The following NTRK2 variants were observed in gnomAD, a reference collection of about 807,000 sequenced individuals.
NTRK2 encodes the protein BDNF/NT-3 growth factors receptor.
A neutral mutation model predicts 94.5 loss-of-function variants in NTRK2; 13 were observed. That is an observed-to-expected ratio of 0.14 (90% CI 0.09 to 0.22). The LOEUF (loss-of-function observed/expected upper bound fraction) is 0.22, where lower values mean the gene tolerates loss of function less well. NTRK2 is among the 10% of genes least tolerant of loss of function. The pLI is 1.00. For synonymous variants in NTRK2, 372 were observed against 407.4 expected, an observed-to-expected ratio of 0.91 and a Z score of 1.05; for missense variants, 639 against 1,071.2, an observed-to-expected ratio of 0.60 and a Z score of 5.63.
intron 12 of NTRK2, among the ~76,000 whole-genome samples, chr9:84,773,954 T>C (rs1168364429): frequency 6.6e-6 from 1 of 152,102 alleles, no homozygotes. Flanking sequence ...CTCAGGGAGA[T>C]TTTGCTGATC....
intron 12 of NTRK2, among the ~76,000 whole-genome samples, chr9:84,798,885 C>T (rs1414684742): frequency 7.0e-6 from 1 of 142,116 alleles, no homozygotes; most frequent in Admixed American, 7.3e-5. Context: ...TACTGAACAC[C>T]TGCTATATGC....
rs200278817 is a variant in NTRK2, at chr9:84,722,241, G to A, written c.584-1332G>A. ...TATTGGATGCTTACGGGAAGGAAGA[G>A]TTTGGAAGGGGGGGTCTCACTAGCC... On this transcript the variant is annotated intron_variant, in intron 6 of 18. Transcript: ENST00000277120. Among the ~76,000 whole-genome samples, 4 of 146,234 alleles carry A rather than the reference G, an allele frequency of 2.7e-5. No individual in the cohort carries two copies. In the East Asian group the frequency reaches 8.0e-4, roughly 29 times the overall value.
intron 12 of NTRK2, among the ~76,000 whole-genome samples, chr9:84,855,078 G>C (rs979789084): frequency 3.3e-5 from 5 of 151,996 alleles, no homozygotes; most frequent in African/African-American, 1.2e-4. Context: ...CAGGGAGGGG[G>C]AAGACCGAGT....
chr9:84,754,838 A>G (rs1240495112), intron 12 of NTRK2, among the ~76,000 whole-genome samples: 2 of 152,178 alleles, frequency 1.3e-5, no homozygotes, highest in East Asian at 3.8e-4. Flanking sequence ...CAGCTCACCC[A>G]TAGGCACTCA....
At chr9:84,901,166 C>A (rs920586965) in intron 14 of NTRK2, among the ~76,000 whole-genome samples, 6 of 144,780 alleles carry the variant, frequency 4.1e-5, no homozygotes, top group Non-Finnish European at 7.6e-5. Flanking sequence ...AGCTCTGTTA[C>A]AACTTTCATT....
chr9:85,012,946 C>T (rs1564550295), intron 17 of NTRK2, among the ~76,000 whole-genome samples: 1 of 152,152 alleles, frequency 6.6e-6, no homozygotes, highest in Non-Finnish European at 1.5e-5. Context: ...TCCAAAAATA[C>T]TTGGCCTTGA....
At position 84,699,686 on chromosome 9, in the gene NTRK2, G is replaced by A. The variant is rs145352146; in HGVS notation, c.213-2473G>A. On this transcript the variant is annotated intron_variant, in intron 2 of 18. Coordinates refer to ENST00000277120, the MANE Select transcript of NTRK2 (RefSeq NM_006180.6). ...GTGTTTTTTTTTTTTTCTAACGAGT[G>A]TATGCATTTCTAAATTGAATTCCGG... is the stretch of plus-strand genomic sequence containing the variant. Among the ~76,000 whole-genome samples, 501 of 150,026 alleles carry A rather than the reference G, an allele frequency of 3.3e-3. 1 individual carries two copies. The highest frequency in any genetic ancestry group is 5.4e-3 in the Non-Finnish European group (367 of 67,484).
chr9:84,878,711 C>T (rs950454121), intron 14 of NTRK2, among the ~76,000 whole-genome samples: 1 of 151,798 alleles, frequency 6.6e-6, no homozygotes, highest in Non-Finnish European at 1.5e-5. Flanking sequence ...TTGCATTACA[C>T]TTAATATAAT....
At chr9:84,915,112 T>G (rs2077356349) in intron 14 of NTRK2, among the ~76,000 whole-genome samples, 1 of 152,202 alleles carries the variant, frequency 6.6e-6, no homozygotes, top group Non-Finnish European at 1.5e-5. Context: ...CTAATGCCGC[T>G]GCCGATCTAA....
rs1229426544 is a variant in NTRK2 at position 85,025,871 on chromosome 9, T to C, written c.*4434T>C. Reference sequence around the variant, plus strand: ...GAATGTGGAGCCTCTGAGGTTGTGATAGCTTGTACATGAATTTCAAATGTC... The same window carrying C: ...GAATGTGGAGCCTCTGAGGTTGTGACAGCTTGTACATGAATTTCAAATGTC... On this transcript the variant is annotated 3_prime_UTR_variant, in exon 19 of 19. Coordinates refer to ENST00000277120, the MANE Select transcript of NTRK2 (RefSeq NM_006180.6). The C allele has an allele frequency of 4.3e-6, 1 of 232,558 alleles. No homozygotes were observed. Among genetic ancestry groups the C allele is most frequent in the Admixed American group, 5.6e-5 (1 of 17,768 alleles). 14.4% of individuals were successfully genotyped at this position (232,558 alleles called of 1,614,324 possible). A position where few individuals can be genotyped will look rare whatever the true frequency, so the allele number is the denominator to read the frequency against.
intron 12 of NTRK2, among the ~76,000 whole-genome samples, chr9:84,827,876 G>A (rs10114165): frequency 0.058 from 8,810 of 152,142 alleles, 325 homozygotes; most frequent in Admixed American, 0.092. Context: ...TTACAGTTTC[G>A]TGTTCTCTCA....
At chr9:84,870,241 A>T (rs1436251711) in intron 14 of NTRK2, among the ~76,000 whole-genome samples, 3 of 138,180 alleles carry the variant, frequency 2.2e-5, no homozygotes, top group Non-Finnish European at 3.1e-5. Context: ...TACATATATA[A>T]GTATATGTAC....
chr9:84,824,002 G>A (rs976838550), intron 12 of NTRK2, among the ~76,000 whole-genome samples: 3 of 152,150 alleles, frequency 2.0e-5, no homozygotes, highest in Non-Finnish European at 2.9e-5. Flanking sequence ...CAGGACAGTG[G>A]GGGAGGAGCT....
chr9:84,806,179 G>T (rs1374801839), intron 12 of NTRK2, among the ~76,000 whole-genome samples: 1 of 152,192 alleles, frequency 6.6e-6, no homozygotes, highest in East Asian at 1.9e-4. Flanking sequence ...GTGGGATGAA[G>T]TCTGAGATGG....
chr9:84,682,829 T>C (rs924604041), intron 2 of NTRK2, among the ~76,000 whole-genome samples: 1 of 152,232 alleles, frequency 6.6e-6, no homozygotes, highest in African/African-American at 2.4e-5. Flanking sequence ...ATCTTAAAAA[T>C]GTTTCTGGAT....
chr9:84,873,117 G>A (rs1263029109), intron 14 of NTRK2: 9 of 1,064,318 alleles, frequency 8.5e-6, no homozygotes, highest in Non-Finnish European at 1.0e-5. Context: ...CAGTGCAATC[G>A]AATGACCATG....
rs146369643 is a variant in NTRK2, at chr9:84,966,111, G to A, written c.2172+10594G>A. ...TACCAGGTACAACTAGTTTAAATTT[G>A]ACTCCATGAAGAGAATTATCAAACA... On this transcript the variant is annotated intron_variant, in intron 17 of 18. Transcript: ENST00000277120. 9.6e-3 allele frequency among the ~76,000 whole-genome samples: 1,455 copies of A among 152,194 alleles called. 13 individuals carry two copies. Among genetic ancestry groups the A allele is most frequent in the South Asian group, 0.027 (131 of 4,820 alleles).
intron 17 of NTRK2, among the ~76,000 whole-genome samples, chr9:85,000,518 G>A (rs796858751): frequency 2.0e-5 from 3 of 152,172 alleles, no homozygotes; most frequent in African/African-American, 7.2e-5. Flanking sequence ...ATGACATTAT[G>A]TAGCCTTTTC....
At chr9:84,777,416 T>G (rs2067155589) in intron 12 of NTRK2, among the ~76,000 whole-genome samples, 1 of 152,236 alleles carries the variant, frequency 6.6e-6, no homozygotes, top group African/African-American at 2.4e-5. Context: ...AAATGGGTTA[T>G]CATGCAAAAC....
Sources: allele counts gnomAD v4.1 joint callset (sites outside exome capture counted in the v4.1 genomes callset), GRCh38; gene constraint gnomAD v4.1.1; transcripts MANE v1.5; gene names NCBI Gene and HGNC (gene_info 2026-07-23, HGNC 2026-07-21).